The following ZNF746 variants were observed in gnomAD, a reference collection of about 807,000 sequenced individuals.
ZNF746 encodes the protein parkin-interacting substrate.
ZNF746 carries 13 observed loss-of-function variants against 41.0 expected under a neutral mutation model. That is an observed-to-expected ratio of 0.32 (90% CI 0.21 to 0.50). ZNF746 has a LOEUF of 0.50. Among genes scored for constraint, ZNF746 ranks in the 20% least tolerant of loss-of-function variants. The pLI is 0.98. For missense variants in ZNF746, 811 were observed against 922.9 expected (o/e 0.88, Z 1.57); for synonymous variants, 424 against 396.2 (o/e 1.07, Z -0.83).
In ZNF746 at chr7:149,497,505, G is replaced by A. The variant is rs1471869574; in HGVS notation, c.24+8C>T. 1.8e-6 allele frequency: 2 copies of A among 1,100,748 alleles called. No homozygotes were observed. Among genetic ancestry groups the A allele is most frequent in the Non-Finnish European group, 1.1e-6 (1 of 907,334 alleles). 68.2% of individuals were successfully genotyped at this position (1,100,748 alleles called of 1,614,324 possible). A position where few individuals can be genotyped will look rare whatever the true frequency, so the allele number is the denominator to read the frequency against. ...CCGCGAGTCCCTGCGCGCGCGGGTC[G>A]CCCTTACCGGAGCCGCGACCGCCTC... On this transcript the variant is annotated splice_region_variant and intron_variant, in intron 1 of 6. Coordinates refer to ENST00000458143, the MANE Select transcript of ZNF746 (RefSeq NM_001394198.1). This position sits in a 1 kb window ranked among gnomAD's most constrained non-coding sequence, Gnocchi z 4.2.
rs752322276 is a variant in ZNF746 at position 149,494,167 on chromosome 7, G to T, written c.324+37C>A. ...CACCCACACGCTCACGGGTTTGGCC[G>T]CTTGGGCTCCCACACCCCAAGGCGT... On this transcript the variant is annotated intron_variant, in intron 2 of 6. Coordinates refer to ENST00000458143, the MANE Select transcript of ZNF746 (RefSeq NM_001394198.1). This position sits in a 1 kb window ranked among gnomAD's most constrained non-coding sequence, Gnocchi z 5.6. 2 of 1,613,570 alleles carry T rather than the reference G, an allele frequency of 1.2e-6. No individual in the cohort carries two copies. Among genetic ancestry groups the T allele is most frequent in the Non-Finnish European group, 1.7e-6 (2 of 1,179,626 alleles).
intron 1 of ZNF746, chr7:149,496,847 G>C: frequency 1.0e-6 from 1 of 985,400 alleles, no homozygotes; most frequent in African/African-American, 1.7e-5. Flanking sequence ...GTACCTGCCT[G>C]CCTGGTCCTT....
At position 149,494,325 on chromosome 7, in the gene ZNF746, C is replaced by G. The variant is rs1800917326; in HGVS notation, c.203G>C (p.Gly68Ala). The change falls in exon 2 of 7, where the codon GGG becomes GCG. Residue 68 changes from glycine (G) to alanine (A), a missense_variant. By Grantham distance (60) the Gly-to-Ala change is moderately conservative. Coordinates refer to ENST00000458143, the MANE Select transcript of ZNF746 (RefSeq NM_001394198.1). The surrounding 1 kb of genome is among the most constrained non-coding windows in gnomAD (Gnocchi z 5.6). ...CAGCCCGTACTCCTGCAGCAGGGTC[C>G]CCAGCACGGCCCACTTGCCCTCCAG... Reference protein sequence around the residue: ...NQLEGKWAVLGTLLQEYGLLQ... With the variant: ...NQLEGKWAVLATLLQEYGLLQ... The G allele has an allele frequency of 1.2e-6, 2 of 1,614,018 alleles. No individual in the cohort carries two copies. Among genetic ancestry groups the G allele is most frequent in the African/African-American group, 2.7e-5 (2 of 75,040 alleles).
rs961128648 is a variant in ZNF746 at position 149,494,763 on chromosome 7, A to T, written c.25-260T>A. On this transcript the variant is annotated intron_variant, in intron 1 of 6. Coordinates refer to ENST00000458143, the MANE Select transcript of ZNF746 (RefSeq NM_001394198.1). The surrounding 1 kb of genome is among the most constrained non-coding windows in gnomAD (Gnocchi z 5.6). ...CACGGTGCTTATCACCCTACACAAT[A>T]ATTTCCTACCCACACCTACACTGTG... Among the ~76,000 whole-genome samples, 2 of 151,080 alleles carry T rather than the reference A, an allele frequency of 1.3e-5. No homozygotes were observed. The highest frequency in any genetic ancestry group is 6.6e-5 in the Admixed American group (1 of 15,160).
chr7:149,474,525 G>C lies in ZNF746; in HGVS notation c.1842C>G (p.Gly614=). The C allele has an allele frequency of 1.2e-6, 2 of 1,607,770 alleles. No homozygotes were observed. The highest frequency in any genetic ancestry group is 1.7e-6 in the Non-Finnish European group (2 of 1,177,350). Residue 614 remains glycine (G), a synonymous_variant, in exon 7 of 7, where the codon GGC becomes GGG. Transcript: ENST00000458143. The surrounding 1 kb of genome is among the most constrained non-coding windows in gnomAD (Gnocchi z 6.3). ...HAAGAKTPAR[G]QPLPTPPAPP... ...GTGCGGGCGGCGTCGGGAGTGGCTG[G>C]CCTCGGGCCGGGGTCTTGGCGCCCG...
In ZNF746 at chr7:149,474,438, G is replaced by A. The variant is rs763680257; in HGVS notation, c.1929C>T (p.Thr643=). The A allele has an allele frequency of 1.2e-6, 2 of 1,611,298 alleles. No homozygotes were observed. The highest frequency in any genetic ancestry group is 2.2e-5 in the South Asian group (2 of 90,420). The change falls in exon 7 of 7, where the codon ACC becomes ACT. Residue 643 remains threonine, a synonymous_variant. Coordinates refer to ENST00000458143, the MANE Select transcript of ZNF746 (RefSeq NM_001394198.1). The surrounding 1 kb of genome is among the most constrained non-coding windows in gnomAD (Gnocchi z 6.3). ...GGACGCTGAGGCCACAAGTCCAGTC[G>A]GTCACAAGGTCTGTGGAGGCCAAAG... is the stretch of plus-strand genomic sequence containing the variant. The part of the protein sequence containing the change: ...KGPLASTDLV[T]DWTCGLSVLG...
chr7:149,474,974 C>G lies in ZNF746; in HGVS notation c.1393G>C (p.Gly465Arg). 1 of 1,547,992 alleles carries G rather than the reference C, an allele frequency of 6.5e-7. No homozygotes were observed. The highest frequency in any genetic ancestry group is 8.7e-7 in the Non-Finnish European group (1 of 1,146,480). Reference protein sequence around the residue: ...GLKKHPAAPPGGRPFTCATCG... With the variant: ...GLKKHPAAPPRGRPFTCATCG... ...GTGGCGCAGGTGAAGGGCCGGCCCC[C>G]GGGGGGCGCCGCGGGGTGCTTCTTC... The change falls in exon 7 of 7, where the codon GGG (glycine) becomes CGG (arginine). Residue 465 changes from glycine (G) to arginine (R), a missense_variant. Transcript: ENST00000458143. This position sits in a 1 kb window ranked among gnomAD's most constrained non-coding sequence, Gnocchi z 6.3.
At chr7:149,496,931 C>T (rs2116508647) in intron 1 of ZNF746, 1 of 985,284 alleles carries the variant, frequency 1.0e-6, no homozygotes, top group Admixed American at 6.1e-5. Context: ...TCTCTAGGCC[C>T]CGGGTTTTTC....
At position 149,474,240 on chromosome 7, in the gene ZNF746, C is replaced by A. The variant is rs1049636056; in HGVS notation, c.*144G>T. The A allele has an allele frequency of 6.4e-6, 6 of 936,980 alleles. No homozygotes were observed. In the African/African-American group the frequency reaches 1.0e-4, roughly 16 times the overall value. The allele number at this position is 936,980 out of a possible 1,614,324, so 58.0% of individuals were successfully genotyped here. A position where few individuals can be genotyped will look rare whatever the true frequency, so the allele number is the denominator to read the frequency against. ...GCAGCTGTCCTGGTGGATAGTTTCT[C>A]TTTCTCCAGTGATCATCAGTTCAGC... On this transcript the variant is annotated 3_prime_UTR_variant, in exon 7 of 7. Coordinates refer to ENST00000458143, the MANE Select transcript of ZNF746 (RefSeq NM_001394198.1). The surrounding 1 kb of genome is among the most constrained non-coding windows in gnomAD (Gnocchi z 6.3).
intron 1 of ZNF746, among the ~76,000 whole-genome samples, chr7:149,495,965 G>A (rs747493303): frequency 7.9e-6 from 1 of 125,868 alleles, no homozygotes; most frequent in East Asian, 2.0e-4. Context: ...GTGGGCCAGC[G>A]TGGTTCTGGG....
chr7:149,493,940 G>A (rs750361513), intron 3 of ZNF746, 49 bp downstream of exon 3: 17 of 1,614,046 alleles, frequency 1.1e-5, no homozygotes, highest in Admixed American at 1.7e-5. Flanking sequence ...GGAGAATTCT[G>A]AGGACTTGCA....
At position 149,494,240 on chromosome 7, in the gene ZNF746, C is replaced by A. The variant is rs1402461462; in HGVS notation, c.288G>T (p.Leu96=). Residue 96 remains leucine, a synonymous_variant, in exon 2 of 7, where the codon CTG becomes CTT. Transcript: ENST00000458143. The surrounding 1 kb of genome is among the most constrained non-coding windows in gnomAD (Gnocchi z 5.6). ...NLLRNRNFWI[L]RLPPGSKGES... is the part of the protein sequence containing the mutation. Reference sequence around the variant, plus strand: ...CCCCCTTGCTGCCCGGGGGCAGCCGCAGGATCCAGAAGTTCCTGTTGCGCA... The same window carrying A: ...CCCCCTTGCTGCCCGGGGGCAGCCGAAGGATCCAGAAGTTCCTGTTGCGCA... The A allele has an allele frequency of 1.9e-6, 3 of 1,614,080 alleles. No homozygotes were observed. The highest frequency in any genetic ancestry group is 2.5e-6 in the Non-Finnish European group (3 of 1,180,030).
chr7:149,480,304 T>C (rs759774467), intron 4 of ZNF746, among the ~76,000 whole-genome samples: 29 of 152,160 alleles, frequency 1.9e-4, no homozygotes, highest in Non-Finnish European at 2.2e-4. Flanking sequence ...AGTTCAATTA[T>C]TTACAGAAAT....
chr7:149,475,381 G>C lies in ZNF746; in HGVS notation c.986C>G (p.Pro329Arg). The C allele has an allele frequency of 6.2e-7, 1 of 1,614,186 alleles. No homozygotes were observed. The highest frequency in any genetic ancestry group is 8.5e-7 in the Non-Finnish European group (1 of 1,180,034). Residue 329 changes from proline (P) to arginine (R), a missense_variant, in exon 7 of 7, where the codon CCA becomes CGA. This residue lies in a region of ZNF746 where 495 missense variants were observed against 481.6 expected (regional missense o/e 1.03). Transcript: ENST00000458143. The part of the protein sequence containing the change: ...DLEAHGTLFG[P>R]GQATRFFPSP... Reference sequence around the variant, plus strand: ...AGGGAAGAACCGTGTGGCTTGGCCTGGTCCAAACAGGGTCCCGTGAGCCTC... The same window carrying C: ...AGGGAAGAACCGTGTGGCTTGGCCTCGTCCAAACAGGGTCCCGTGAGCCTC...
Position 149,497,170 on chromosome 7 carries a change from C to T in ZNF746, c.24+343G>A. On this transcript the variant is annotated intron_variant, in intron 1 of 6. Transcript: ENST00000458143. This position sits in a 1 kb window ranked among gnomAD's most constrained non-coding sequence, Gnocchi z 4.2. ...GATGGAGAGGGACCTACAGGCCGAG[C>T]GCCAGGCAGAGAAAGGAGCCGCGGG... The T allele has an allele frequency of 2.0e-6, 2 of 985,274 alleles. No homozygotes were observed. The highest frequency in any genetic ancestry group is 2.4e-6 in the Non-Finnish European group (2 of 829,898). 61.0% of individuals were successfully genotyped at this position (985,274 alleles called of 1,614,324 possible).
rs148920164 is a variant in ZNF746, at chr7:149,477,261, C to A, written c.758-214G>T. ...CATCATCAGTATGTTTCCCACGGGC[C>A]CCTCTCGAATAGAGGCAGCCAGTGA... On this transcript the variant is annotated intron_variant, in intron 5 of 6. Coordinates refer to ENST00000458143, the MANE Select transcript of ZNF746 (RefSeq NM_001394198.1). 1.4e-3 allele frequency among the ~76,000 whole-genome samples: 214 copies of A among 152,246 alleles called. 1 individual carries two copies. Among genetic ancestry groups the A allele is most frequent in the African/African-American group, 4.9e-3 (203 of 41,536 alleles).
intron 4 of ZNF746, among the ~76,000 whole-genome samples, chr7:149,485,372 G>T (rs1265347828): frequency 1.3e-5 from 2 of 152,194 alleles, no homozygotes; most frequent in Non-Finnish European, 2.9e-5. Context: ...CATGGAACTT[G>T]ATAAGGCAGT....
intron 1 of ZNF746, among the ~76,000 whole-genome samples, chr7:149,496,346 A>C (rs1366451446): frequency 6.6e-6 from 1 of 152,120 alleles, no homozygotes; most frequent in East Asian, 1.9e-4. Context: ...CTTACTGACA[A>C]GTGGCTGGAA....
chr7:149,480,570 G>A (rs1474378451), intron 4 of ZNF746, among the ~76,000 whole-genome samples: 1 of 152,020 alleles, frequency 6.6e-6, no homozygotes, highest in Admixed American at 6.5e-5. Context: ...GTAGCACTGG[G>A]ACTACAGGTG....
Sources: gnomAD v4.1 joint callset for allele counts (sites outside exome capture counted in the v4.1 genomes callset) on GRCh38, gnomAD v4.1.1 for gene constraint, gnomAD v4.1.1 regional missense constraint, Gnocchi (gnomAD v3.1) non-coding constraint, MANE v1.5 for transcripts, NCBI Gene and HGNC (gene_info 2026-07-23, HGNC 2026-07-21) for gene names.